Variants in ARHGAP31 observed in about 807,000 individuals in gnomAD.
ARHGAP31 encodes rho GTPase-activating protein 31.
ARHGAP31 carries 34 observed loss-of-function variants against 113.9 expected under a neutral mutation model. That is an observed-to-expected ratio of 0.30 (90% CI 0.23 to 0.40). The LOEUF (loss-of-function observed/expected upper bound fraction) is 0.40. Ranked by LOEUF, ARHGAP31 falls within the 10% of genes least tolerant of loss-of-function variation. The pLI is 1.00. For synonymous variants in ARHGAP31, 650 were observed against 684.8 expected (o/e 0.95, Z 0.79); for missense variants, 1,548 against 1,767.1 (o/e 0.88, Z 2.22).
chr3:119,379,603 T>G (rs2080377818), intron 3 of ARHGAP31, among the ~76,000 whole-genome samples: 1 of 151,812 alleles, frequency 6.6e-6, no homozygotes, highest in Non-Finnish European at 1.5e-5. Context: ...TTAATTAAGA[T>G]ATTCCATAAT....
intron 1 of ARHGAP31, among the ~76,000 whole-genome samples, chr3:119,309,558 C>T (rs1016074900): frequency 2.6e-5 from 4 of 151,596 alleles, no homozygotes; most frequent in African/African-American, 4.9e-5. Flanking sequence ...AGTTCAAGAC[C>T]GGCCTGGACA....
rs79386818 is a variant in ARHGAP31 at position 119,296,274 on chromosome 3, A to G, written c.100+1270A>G. On this transcript the variant is annotated intron_variant, in intron 1 of 11. Coordinates refer to ENST00000264245, the MANE Select transcript of ARHGAP31 (RefSeq NM_020754.4). ...ATTAGGACAAATAGCTTAGGATTTT[A>G]GAGCTTGGAGAACCACAGGTTTCAA... is the stretch of plus-strand genomic sequence containing the variant. Among the ~76,000 whole-genome samples the G allele has an allele frequency of 6.3e-3, 953 of 152,342 alleles. 15 individuals carry two copies. In the East Asian group the frequency reaches 0.063, roughly 10 times the overall value.
intron 6 of ARHGAP31, among the ~76,000 whole-genome samples, chr3:119,385,200 T>C (rs751735402): frequency 4.6e-5 from 7 of 152,104 alleles, no homozygotes; most frequent in Admixed American, 2.0e-4. Context: ...AGTGCTAGGA[T>C]TACAGGTGTG....
At chr3:119,356,029 GA>G (rs2080154407) in intron 1 of ARHGAP31, among the ~76,000 whole-genome samples, 1 of 152,174 alleles carries the variant, frequency 6.6e-6, no homozygotes, top group African/African-American at 2.4e-5. Context: ...AGATGAATCA[GA>G]AACAAGCAAC....
chr3:119,299,603 CTCTT>C (rs753542677), intron 1 of ARHGAP31, among the ~76,000 whole-genome samples: 3 of 152,138 alleles, frequency 2.0e-5, no homozygotes, highest in Non-Finnish European at 2.9e-5. Flanking sequence ...CTAAATGATT[CTCTT>C]TCTTTATCTA....
At chr3:119,342,226 G>A (rs893343798) in intron 1 of ARHGAP31, among the ~76,000 whole-genome samples, 21 of 152,006 alleles carry the variant, frequency 1.4e-4, no homozygotes, top group Admixed American at 3.9e-4. Flanking sequence ...TAGGCCCCCC[G>A]ATGATTTTTT....
intron 1 of ARHGAP31, among the ~76,000 whole-genome samples, chr3:119,316,860 CCA>C (rs1458267533): frequency 6.6e-6 from 1 of 152,194 alleles, no homozygotes; most frequent in East Asian, 1.9e-4. Flanking sequence ...AAGTTGAAAA[CCA>C]CTGCTGCTTG....
chr3:119,343,628 G>C (rs750418155), intron 1 of ARHGAP31, among the ~76,000 whole-genome samples: 7 of 152,184 alleles, frequency 4.6e-5, no homozygotes, highest in African/African-American at 1.7e-4. Context: ...GTGGCTGGTA[G>C]TCAAGGAGCA....
At chr3:119,367,307 C>T (rs540181693) in intron 2 of ARHGAP31, among the ~76,000 whole-genome samples, 1 of 152,260 alleles carries the variant, frequency 6.6e-6, no homozygotes, top group African/African-American at 2.4e-5. Context: ...TCTCAAAAAG[C>T]TTAACTTCTC....
intron 11 of ARHGAP31, 48 bp from the exon 12 acceptor site, chr3:119,413,808 A>G (rs757952631): frequency 6.2e-7 from 1 of 1,613,896 alleles, no homozygotes; most frequent in African/African-American, 1.3e-5. Flanking sequence ...TGATGTCAGC[A>G]CCCAGAGTAC....
intron 1 of ARHGAP31, among the ~76,000 whole-genome samples, chr3:119,349,119 T>C (rs2080088371): frequency 6.6e-6 from 1 of 152,202 alleles, no homozygotes. Context: ...TAATATATTA[T>C]CTATAAAGGT....
chr3:119,419,454 G>C lies in ARHGAP31; in HGVS notation c.*3190G>C, dbSNP rs2080805010. 1 of 152,044 alleles carries C rather than the reference G, an allele frequency of 6.6e-6. No homozygotes were observed. 9.4% of individuals were successfully genotyped at this position (152,044 alleles called of 1,614,324 possible). ...TCCAAGTCAAAAGTCTAGACTCTGA[G>C]GACATTAAAAATGTAAATATCATCA... is the stretch of plus-strand genomic sequence containing the variant. On this transcript the variant is annotated 3_prime_UTR_variant, in exon 12 of 12. Transcript: ENST00000264245.
In ARHGAP31 at chr3:119,294,515, G is replaced by C. The variant is rs886057793; in HGVS notation, c.-390G>C. On this transcript the variant is annotated 5_prime_UTR_variant, in exon 1 of 12. Transcript: ENST00000264245. ...TGGGCAGTCTCCTCGCCCCGCGTCC[G>C]CGTCGTCTCCGGGGCACTTAGTAAG... 4.1e-4 allele frequency: 183 copies of C among 451,284 alleles called. 1 individual carries two copies. The highest frequency in any genetic ancestry group is 6.1e-4 in the Non-Finnish European group (159 of 262,030). 28.0% of individuals were successfully genotyped at this position (451,284 alleles called of 1,614,324 possible). A position where few individuals can be genotyped will look rare whatever the true frequency, so the allele number is the denominator to read the frequency against.
At chr3:119,329,639 G>T (rs2079873617) in intron 1 of ARHGAP31, among the ~76,000 whole-genome samples, 1 of 152,128 alleles carries the variant, frequency 6.6e-6, no homozygotes, top group Non-Finnish European at 1.5e-5. Context: ...TATAAACAAA[G>T]GCCTCTCACA....
At position 119,380,970 on chromosome 3, in the gene ARHGAP31, C is replaced by T. The variant is rs2080391759; in HGVS notation, c.415C>T (p.Pro139Ser). 6.2e-7 allele frequency: 1 copy of T among 1,614,018 alleles called. No individual in the cohort carries two copies. ...AATCCAAAATGTTATCCAGGAGCTT[C>T]CTCCATCCCACTATAGGTAAGAATG... Reference protein sequence around the residue: ...ARIQNVIQELPPSHYRTLEYL... With the variant: ...ARIQNVIQELSPSHYRTLEYL... The change falls in exon 4 of 12, where the codon CCT becomes TCT. Residue 139 changes from proline to serine, a missense_variant. Coordinates refer to ENST00000264245, the MANE Select transcript of ARHGAP31 (RefSeq NM_020754.4).
At chr3:119,308,523 G>A (rs982128695) in intron 1 of ARHGAP31, among the ~76,000 whole-genome samples, 1 of 152,076 alleles carries the variant, frequency 6.6e-6, no homozygotes, top group Non-Finnish European at 1.5e-5. Context: ...TCCACCATTT[G>A]TCCAAAGTCA....
intron 9 of ARHGAP31, among the ~76,000 whole-genome samples, chr3:119,400,248 A>G (rs774571179): frequency 2.6e-5 from 4 of 152,136 alleles, no homozygotes; most frequent in Admixed American, 2.0e-4. Flanking sequence ...CCTGGCCAAC[A>G]TGGTGAAATC....
chr3:119,375,942 C>T (rs35930929), intron 3 of ARHGAP31, among the ~76,000 whole-genome samples: 7,945 of 152,206 alleles, frequency 0.052, 312 homozygotes, highest in South Asian at 0.095. Context: ...ACTTCAAACT[C>T]CACGGCTCCA....
chr3:119,406,371 T>A (rs1409481033), intron 10 of ARHGAP31, among the ~76,000 whole-genome samples: 1 of 152,190 alleles, frequency 6.6e-6, no homozygotes, highest in African/African-American at 2.4e-5. Flanking sequence ...ATGGATGCAT[T>A]TACCCTTTCA....
Sources: allele counts gnomAD v4.1 joint callset (sites outside exome capture counted in the v4.1 genomes callset), GRCh38; gene constraint gnomAD v4.1.1; transcripts MANE v1.5; gene names NCBI Gene and HGNC (gene_info 2026-07-23, HGNC 2026-07-21).